Variants in GRIP1 observed in about 807,000 individuals in gnomAD.
GRIP1 encodes glutamate receptor interacting protein 1, also known as glutamate receptor-interacting protein 1.
Under a neutral mutation model 129.9 loss-of-function variants are expected in GRIP1, and 45 were observed. That is an observed-to-expected ratio of 0.35 (90% CI 0.27 to 0.44). The LOEUF (loss-of-function observed/expected upper bound fraction) is 0.44, where lower values mean the gene tolerates loss of function less well. Ranked by LOEUF, GRIP1 falls within the 20% of genes least tolerant of loss-of-function variation. The probability of loss-of-function intolerance (pLI) is 1.00; values close to 1 mark genes in which losing one functional copy is unlikely to be tolerated. For missense variants in GRIP1, 1,196 were observed against 1,396.8 expected, an observed-to-expected ratio of 0.86 and a Z score of 2.29; for synonymous variants, 530 against 520.8, an observed-to-expected ratio of 1.02 and a Z score of -0.24.
chr12:66,885,957 C>T (rs2040559058), intron 1 of GRIP1, among the ~76,000 whole-genome samples: 1 of 152,154 alleles, frequency 6.6e-6, no homozygotes, highest in Non-Finnish European at 1.5e-5. Flanking sequence ...ATACATTATA[C>T]AGTATATCCA....
At chr12:66,395,946 T>A (rs754365588) in intron 16 of GRIP1, among the ~76,000 whole-genome samples, 1 of 151,796 alleles carries the variant, frequency 6.6e-6, no homozygotes, top group Non-Finnish European at 1.5e-5. Context: ...TCAGCAGAGG[T>A]CAAAAGTCTA....
chr12:67,035,485 A>G (rs534574856), intron 1 of GRIP1: 2 of 152,338 alleles, frequency 1.3e-5, no homozygotes, highest in Non-Finnish European at 2.9e-5. Context: ...TTAATGTTGT[A>G]ATTAGATGTG....
chr12:66,789,889 A>G (rs2038474820), intron 1 of GRIP1, among the ~76,000 whole-genome samples: 1 of 152,160 alleles, frequency 6.6e-6, no homozygotes, highest in Non-Finnish European at 1.5e-5. Context: ...TTATAAGCAG[A>G]AAAGTTTCTA....
intron 4 of GRIP1, among the ~76,000 whole-genome samples, chr12:66,533,056 G>C (rs902687058): frequency 1.3e-5 from 2 of 152,116 alleles, no homozygotes; most frequent in African/African-American, 4.8e-5. Context: ...GCTAGGAATT[G>C]CATCCTTTCT....
chr12:66,449,428 T>C (rs974484640), intron 11 of GRIP1, among the ~76,000 whole-genome samples: 5 of 136,368 alleles, frequency 3.7e-5, no homozygotes, highest in Admixed American at 7.0e-5. Flanking sequence ...GTAGATCATT[T>C]GTCTAGGAGG....
chr12:67,007,442 G>A (rs1392358096), intron 1 of GRIP1, among the ~76,000 whole-genome samples: 2 of 152,024 alleles, frequency 1.3e-5, no homozygotes, highest in Non-Finnish European at 2.9e-5. Context: ...TTTCTAATAA[G>A]GGCAGAAAGG....
intron 1 of GRIP1, among the ~76,000 whole-genome samples, chr12:66,812,336 T>C (rs1381754268): frequency 6.6e-6 from 1 of 152,236 alleles, no homozygotes; most frequent in African/African-American, 2.4e-5. Context: ...GGTTTCACCA[T>C]GTTAGTCCAG....
chr12:66,463,463 C>G lies in GRIP1; in HGVS notation c.873-370G>C, dbSNP rs1168073027. Among the ~76,000 whole-genome samples the G allele has an allele frequency of 2.6e-5, 4 of 152,098 alleles. No homozygotes were observed. The East Asian group carries it at 7.7e-4, about 29-fold the overall frequency. On this transcript the variant is annotated intron_variant, in intron 8 of 24. Coordinates refer to ENST00000359742, the MANE Select transcript of GRIP1 (RefSeq NM_001366722.1). ...GTTTTTTTGTTCTAGGCTTTTCTAT[C>G]TATAAACATGAGTGGGTAAATCTTC...
intron 1 of GRIP1, among the ~76,000 whole-genome samples, chr12:66,904,248 T>C (rs1340675891): frequency 6.6e-6 from 1 of 152,230 alleles, no homozygotes; most frequent in Non-Finnish European, 1.5e-5. Flanking sequence ...TCAACCTTTC[T>C]ATAACCCAGA....
rs533299302 is a variant in GRIP1, at chr12:66,665,446, C to G, written c.55+13404G>C. On this transcript the variant is annotated intron_variant, in intron 1 of 24. Coordinates refer to ENST00000359742, the MANE Select transcript of GRIP1 (RefSeq NM_001366722.1). ...ATAAGAAATAGCAGAGCTCTGGTATCCCCATAAGTGTGTGTGTCCTCCCTG... is the reference window on the plus strand; with the variant it reads ...ATAAGAAATAGCAGAGCTCTGGTATGCCCATAAGTGTGTGTGTCCTCCCTG... 1.1e-4 allele frequency among the ~76,000 whole-genome samples: 17 copies of G among 152,252 alleles called. No homozygotes were observed. The South Asian group carries it at 3.3e-3, about 30-fold the overall frequency.
At chr12:66,995,420 T>C (rs558415484) in intron 1 of GRIP1, among the ~76,000 whole-genome samples, 1 of 152,124 alleles carries the variant, frequency 6.6e-6, no homozygotes, top group East Asian at 1.9e-4. Flanking sequence ...ATCCAAAGAA[T>C]AGGAGAAAAA....
chr12:66,372,449 G>A (rs2055562579), intron 22 of GRIP1: 1 of 193,192 alleles, frequency 5.2e-6, no homozygotes, highest in Non-Finnish European at 1.1e-5. Context: ...GCTTCGTCTA[G>A]ACTGTATATT....
At position 66,589,559 on chromosome 12, in the gene GRIP1, T is replaced by C. The variant is rs77213310; in HGVS notation, c.136+7288A>G. ...ATAAATATTGATGGATGCAAGATGA[T>C]TTAAGGTGACATAGAAACCTTTGTT... On this transcript the variant is annotated intron_variant, in intron 2 of 24. Transcript: ENST00000359742. Among the ~76,000 whole-genome samples the C allele has an allele frequency of 1.1e-3, 173 of 152,318 alleles. No homozygotes were observed. In the East Asian group the frequency reaches 0.02, roughly 18 times the overall value.
At chr12:67,062,498 T>A (rs1353254438) in intron 1 of GRIP1, among the ~76,000 whole-genome samples, 3 of 152,158 alleles carry the variant, frequency 2.0e-5, no homozygotes, top group Non-Finnish European at 4.4e-5. Flanking sequence ...ACTTCCTCTA[T>A]GCCACCTCCT....
chr12:66,472,967 G>A (rs887526528), intron 7 of GRIP1, among the ~76,000 whole-genome samples: 3 of 152,126 alleles, frequency 2.0e-5, no homozygotes, highest in Non-Finnish European at 2.9e-5. Flanking sequence ...TGGAATGCCA[G>A]TGAGAGAGAA....
At chr12:66,709,481 T>C (rs1335195415) in intron 1 of GRIP1, among the ~76,000 whole-genome samples, 1 of 151,864 alleles carries the variant, frequency 6.6e-6, no homozygotes, top group Non-Finnish European at 1.5e-5. Context: ...TGGCAAGAGG[T>C]TGTGAAGTCT....
chr12:66,723,211 TTTC>T (rs1565987591), intron 1 of GRIP1, among the ~76,000 whole-genome samples: 7 of 49,610 alleles, frequency 1.4e-4, no homozygotes, highest in African/African-American at 8.4e-4. Context: ...CTTTTCTTTC[TTTC>T]TTTCTTTCTT....
intron 2 of GRIP1, among the ~76,000 whole-genome samples, chr12:66,572,485 A>C (rs1410366134): frequency 6.6e-6 from 1 of 152,188 alleles, no homozygotes; most frequent in Non-Finnish European, 1.5e-5. Flanking sequence ...ATTCTCAGAG[A>C]AAATCATATG....
In GRIP1 at chr12:66,478,633, G is replaced by T. The variant is rs1395613055; in HGVS notation, c.725-13211C>A. Among the ~76,000 whole-genome samples the T allele has an allele frequency of 7.9e-5, 12 of 152,220 alleles. No individual in the cohort carries two copies. In the East Asian group the frequency reaches 2.1e-3, roughly 27 times the overall value. ...GCAAAGACTTGGAACCAACCCAAATGTCCAACAATGATAGACTGGATTAAG... is the reference window on the plus strand; with the variant it reads ...GCAAAGACTTGGAACCAACCCAAATTTCCAACAATGATAGACTGGATTAAG... On this transcript the variant is annotated intron_variant, in intron 7 of 24. Coordinates refer to ENST00000359742, the MANE Select transcript of GRIP1 (RefSeq NM_001366722.1).
Sources: allele counts gnomAD v4.1 joint callset (sites outside exome capture counted in the v4.1 genomes callset), GRCh38; gene constraint gnomAD v4.1.1; transcripts MANE v1.5; gene names NCBI Gene and HGNC (gene_info 2026-07-23, HGNC 2026-07-21).